The following PARD3B variants were observed in gnomAD, a reference collection of about 807,000 sequenced individuals.
The protein encoded by PARD3B is par-3 family cell polarity regulator beta, also known as partitioning defective 3 homolog B.
Under a neutral mutation model 130.2 loss-of-function variants are expected in PARD3B, and 103 were observed. The observed-to-expected ratio is 0.79, with a 90% CI of 0.67 to 0.93. The LOEUF (loss-of-function observed/expected upper bound fraction) is 0.93, where lower values mean the gene tolerates loss of function less well. PARD3B is among the 40% of genes least tolerant of loss of function. The pLI is 0.00. For synonymous variants in PARD3B, 583 were observed against 553.2 expected (o/e 1.05, Z -0.76); for missense variants, 1,609 against 1,499.2 (o/e 1.07, Z -1.21).
chr2:204,892,340 T>C (rs775318434), intron 2 of PARD3B, among the ~76,000 whole-genome samples: 9 of 152,080 alleles, frequency 5.9e-5, no homozygotes, highest in Non-Finnish European at 1.2e-4. Context: ...GTGGGCCACA[T>C]TGAGGATGTT....
intron 4 of PARD3B, among the ~76,000 whole-genome samples, chr2:205,060,405 C>CA (rs1342577355): frequency 1.3e-5 from 2 of 152,102 alleles, no homozygotes; most frequent in African/African-American, 4.8e-5. Context: ...CATTCATATT[C>CA]ATAGAAGAAT....
rs141297665 is a variant in PARD3B, at chr2:204,622,594, A to G, written c.121-63587A>G. Among the ~76,000 whole-genome samples, 10 of 151,826 alleles carry G rather than the reference A, an allele frequency of 6.6e-5. No individual in the cohort carries two copies. The East Asian group carries it at 1.9e-3, about 29-fold the overall frequency. On this transcript the variant is annotated intron_variant, in intron 1 of 22. Transcript: ENST00000406610. ...TCATTTTATAATCTTTATTTATAGA[A>G]TTATATTTATATACTACTATTATAT...
intron 2 of PARD3B, among the ~76,000 whole-genome samples, chr2:204,823,157 T>C (rs2043431557): frequency 6.6e-6 from 1 of 152,130 alleles, no homozygotes; most frequent in African/African-American, 2.4e-5. Context: ...CTTTAACTGA[T>C]TGATTGTCAA....
Position 204,967,501 on chromosome 2 carries a change from C to G in PARD3B, c.394+2178C>G, listed in dbSNP as rs1406073608. On this transcript the variant is annotated intron_variant, in intron 3 of 22. Transcript: ENST00000406610. The surrounding 1 kb of genome is among the most constrained non-coding windows in gnomAD (Gnocchi z 4.4). ...TTAACGACCTTCACTGGCTTCCCATCACCCTGAGAACCATATCTAAACTCG... is the reference window on the plus strand; with the variant it reads ...TTAACGACCTTCACTGGCTTCCCATGACCCTGAGAACCATATCTAAACTCG... Among the ~76,000 whole-genome samples, 2 of 152,166 alleles carry G rather than the reference C, an allele frequency of 1.3e-5. No homozygotes were observed. The highest frequency in any genetic ancestry group is 2.4e-5 in the African/African-American group (1 of 41,440).
chr2:205,031,902 A>G (rs532915185), intron 3 of PARD3B, among the ~76,000 whole-genome samples: 2 of 152,094 alleles, frequency 1.3e-5, no homozygotes, highest in Non-Finnish European at 2.9e-5. Context: ...GGCTTATTTG[A>G]TTTATTTTTA....
intron 13 of PARD3B, among the ~76,000 whole-genome samples, chr2:205,182,538 G>T (rs1274507421): frequency 1.3e-5 from 2 of 151,670 alleles, no homozygotes; most frequent in Middle Eastern, 3.2e-3. Flanking sequence ...AGGAACACGA[G>T]GAGAAAGTTA....
chr2:205,283,583 G>A (rs2041272644), intron 16 of PARD3B, among the ~76,000 whole-genome samples: 1 of 152,020 alleles, frequency 6.6e-6, no homozygotes, highest in African/African-American at 2.4e-5. Context: ...TTCTTTTTCT[G>A]TGACCTTATT....
At chr2:205,157,947 C>A (rs1215237212) in intron 10 of PARD3B, among the ~76,000 whole-genome samples, 3 of 152,152 alleles carry the variant, frequency 2.0e-5, no homozygotes, top group Non-Finnish European at 4.4e-5. Context: ...CCTAAATATG[C>A]CTTTTTCCAC....
chr2:205,239,674 A>G (rs904147517), intron 15 of PARD3B, among the ~76,000 whole-genome samples: 1 of 152,228 alleles, frequency 6.6e-6, no homozygotes, highest in African/African-American at 2.4e-5. Flanking sequence ...AGATCACTGA[A>G]GAGTTGTGAA....
chr2:205,600,244 G>A (rs543019071), intron 22 of PARD3B, among the ~76,000 whole-genome samples: 1 of 152,336 alleles, frequency 6.6e-6, no homozygotes, highest in South Asian at 2.1e-4. Context: ...GCAGGGATGA[G>A]AGAGAAGTCT....
chr2:204,930,313 G>A (rs1687939113), intron 2 of PARD3B, among the ~76,000 whole-genome samples: 1 of 151,754 alleles, frequency 6.6e-6, no homozygotes, highest in Non-Finnish European at 1.5e-5. Flanking sequence ...ATCTGTGAAT[G>A]CGCAAATCCC....
rs1025732820 is a variant in PARD3B at position 205,187,374 on chromosome 2, G to A, written c.2024+1511G>A. On this transcript the variant is annotated intron_variant, in intron 14 of 22. Transcript: ENST00000406610. The surrounding 1 kb of genome is among the most constrained non-coding windows in gnomAD (Gnocchi z 4.9). Reference sequence around the variant, plus strand: ...GTATGCAGACTTCATTTGGTAGATAGTCAATCTTATTGCAGGGTTTTCGCA... The same window carrying A: ...GTATGCAGACTTCATTTGGTAGATAATCAATCTTATTGCAGGGTTTTCGCA... Among the ~76,000 whole-genome samples, 12 of 152,202 alleles carry A rather than the reference G, an allele frequency of 7.9e-5. No homozygotes were observed. Among genetic ancestry groups the A allele is most frequent in the Non-Finnish European group, 1.3e-4 (9 of 68,040 alleles).
intron 19 of PARD3B, among the ~76,000 whole-genome samples, chr2:205,416,295 G>C (rs2046772701): frequency 6.6e-6 from 1 of 152,100 alleles, no homozygotes; most frequent in Non-Finnish European, 1.5e-5. Flanking sequence ...ATAGTGTCTG[G>C]TAATACCCTG....
intron 2 of PARD3B, among the ~76,000 whole-genome samples, chr2:204,917,726 A>C (rs534774217): frequency 3.9e-5 from 6 of 152,222 alleles, no homozygotes; most frequent in Non-Finnish European, 7.3e-5. Flanking sequence ...GCCAACGACA[A>C]GTATTTTCCT....
rs1395592314 is a variant in PARD3B at position 205,351,888 on chromosome 2, A to T, written c.2631-49125A>T. On this transcript the variant is annotated intron_variant, in intron 18 of 22. Coordinates refer to ENST00000406610, the MANE Select transcript of PARD3B (RefSeq NM_001302769.2). This position sits in a 1 kb window ranked among gnomAD's most constrained non-coding sequence, Gnocchi z 4.2. ...TTCTGAGGGATCTGTTTGTATACATAACATCCCAGTGTCTTTCTGTCAAGC... is the reference window on the plus strand; with the variant it reads ...TTCTGAGGGATCTGTTTGTATACATTACATCCCAGTGTCTTTCTGTCAAGC... 1.3e-5 allele frequency among the ~76,000 whole-genome samples: 2 copies of T among 152,146 alleles called. No individual in the cohort carries two copies. Among genetic ancestry groups the T allele is most frequent in the Non-Finnish European group, 2.9e-5 (2 of 68,036 alleles).
At chr2:204,997,351 C>A (rs1460125836) in intron 3 of PARD3B, among the ~76,000 whole-genome samples, 3 of 152,176 alleles carry the variant, frequency 2.0e-5, no homozygotes, top group African/African-American at 4.8e-5. Context: ...GGCATTCTTA[C>A]AATACTGAGT....
intron 12 of PARD3B, among the ~76,000 whole-genome samples, chr2:205,173,352 G>T (rs1257355181): frequency 6.6e-6 from 1 of 152,166 alleles, no homozygotes; most frequent in Non-Finnish European, 1.5e-5. Flanking sequence ...GTTTCGAATT[G>T]CTTGGGTTTC....
At position 205,589,930 on chromosome 2, in the gene PARD3B, C is replaced by G. The variant is rs959693559; in HGVS notation, c.3261-25526C>G. Among the ~76,000 whole-genome samples the G allele has an allele frequency of 6.6e-6, 1 of 152,020 alleles. No homozygotes were observed. Among genetic ancestry groups the G allele is most frequent in the African/African-American group, 2.4e-5 (1 of 41,372 alleles). ...GGTCTTTTGCTTTTCATTTTCTCTA[C>G]CCTGGAAATGTTGAAAGCTGTATCA... On this transcript the variant is annotated intron_variant, in intron 22 of 22. Coordinates refer to ENST00000406610, the MANE Select transcript of PARD3B (RefSeq NM_001302769.2). This position sits in a 1 kb window ranked among gnomAD's most constrained non-coding sequence, Gnocchi z 4.1.
chr2:204,761,201 A>T (rs1326524724), intron 2 of PARD3B, among the ~76,000 whole-genome samples: 1 of 152,172 alleles, frequency 6.6e-6, no homozygotes, highest in East Asian at 1.9e-4. Context: ...ATGGGATTGA[A>T]TTTTAGCCAA....
Sources: allele counts gnomAD v4.1 joint callset (sites outside exome capture counted in the v4.1 genomes callset), GRCh38; gene constraint gnomAD v4.1.1; non-coding constraint Gnocchi (gnomAD v3.1); transcripts MANE v1.5; gene names NCBI Gene and HGNC (gene_info 2026-07-23, HGNC 2026-07-21).